The following DPYD variants were observed in gnomAD, a reference collection of about 807,000 sequenced individuals.
DPYD encodes the protein dihydropyrimidine dehydrogenase [NADP(+)].
In DPYD, 109 loss-of-function variants were observed where a neutral mutation model predicts 116.2. The ratio of observed to expected loss-of-function variants is 0.94; its 90% CI spans 0.80 to 1.10. The LOEUF is 1.10. Among genes scored for constraint, DPYD ranks in the 50% least tolerant of loss-of-function variants. The probability of loss-of-function intolerance (pLI) is 0.00; values close to 1 mark genes in which losing one functional copy is unlikely to be tolerated. For synonymous variants in DPYD, 440 were observed against 432.0 expected, an observed-to-expected ratio of 1.02 and a Z score of -0.23; for missense variants, 1,302 against 1,254.5, an observed-to-expected ratio of 1.04 and a Z score of -0.57.
At chr1:97,279,047 G>A (rs1194205307) in intron 18 of DPYD, among the ~76,000 whole-genome samples, 1 of 152,078 alleles carries the variant, frequency 6.6e-6, no homozygotes, top group Non-Finnish European at 1.5e-5. Context: ...TGACGGACAT[G>A]CAGATTTGTT....
intron 3 of DPYD, among the ~76,000 whole-genome samples, chr1:97,751,613 A>C (rs902239694): frequency 4.0e-5 from 6 of 150,476 alleles, no homozygotes; most frequent in Non-Finnish European, 4.4e-5. Flanking sequence ...AAAAACAACA[A>C]AAATGAAAGA....
chr1:97,463,315 C>A (rs1334287138), intron 13 of DPYD, among the ~76,000 whole-genome samples: 1 of 152,176 alleles, frequency 6.6e-6, no homozygotes, highest in Non-Finnish European at 1.5e-5. Flanking sequence ...AGTTTCCCTG[C>A]ACTCTCTCTT....
chr1:97,309,045 T>C (rs1667331099), intron 16 of DPYD, among the ~76,000 whole-genome samples: 1 of 151,882 alleles, frequency 6.6e-6, no homozygotes, highest in Non-Finnish European at 1.5e-5. Flanking sequence ...TTTCCTTATA[T>C]ATCCATCAAA....
intron 13 of DPYD, among the ~76,000 whole-genome samples, chr1:97,508,277 C>T (rs1481970589): frequency 6.6e-6 from 1 of 151,858 alleles, no homozygotes; most frequent in African/African-American, 2.4e-5. Context: ...GATCTGAGAA[C>T]TGATTAAGAA....
At chr1:97,224,453 C>T (rs1462030397) in intron 19 of DPYD, among the ~76,000 whole-genome samples, 1 of 151,930 alleles carries the variant, frequency 6.6e-6, no homozygotes, top group Non-Finnish European at 1.5e-5. Context: ...CAAATGATCA[C>T]TACAGTCAAG....
intron 8 of DPYD, among the ~76,000 whole-genome samples, chr1:97,605,613 G>A (rs746920990): frequency 6.6e-5 from 10 of 151,922 alleles, no homozygotes; most frequent in Non-Finnish European, 1.3e-4. Flanking sequence ...TCATAGCAGC[G>A]TGAGAACCAA....
At chr1:97,366,352 C>T (rs1226415583) in intron 16 of DPYD, among the ~76,000 whole-genome samples, 1 of 152,034 alleles carries the variant, frequency 6.6e-6, no homozygotes, top group African/African-American at 2.4e-5. Flanking sequence ...AATTATAATG[C>T]TATGAGGAAA....
intron 3 of DPYD, among the ~76,000 whole-genome samples, chr1:97,790,836 T>C (rs749994361): frequency 2.0e-5 from 3 of 152,214 alleles, no homozygotes; most frequent in Non-Finnish European, 2.9e-5. Flanking sequence ...TTAATCAAAT[T>C]TGTAAGCATG....
intron 18 of DPYD, among the ~76,000 whole-genome samples, chr1:97,264,082 A>T (rs1664059939): frequency 6.6e-6 from 1 of 151,162 alleles, no homozygotes; most frequent in South Asian, 2.1e-4. Flanking sequence ...GAAATGGAAG[A>T]GCCAGATCAT....
At chr1:97,843,158 C>A (rs1210501310) in intron 2 of DPYD, among the ~76,000 whole-genome samples, 8 of 152,114 alleles carry the variant, frequency 5.3e-5, no homozygotes, top group African/African-American at 1.9e-4. Context: ...TCTCAGAAAA[C>A]CTACTCAGGG....
At chr1:97,556,351 A>AT (rs536136736) in intron 11 of DPYD, among the ~76,000 whole-genome samples, 8 of 146,526 alleles carry the variant, frequency 5.5e-5, no homozygotes, top group Admixed American at 4.7e-4. Flanking sequence ...TTTTATTATG[A>AT]TTTTTTTCTT....
Position 97,234,185 on chromosome 1 carries a change from T to C in DPYD, c.2442+667A>G, listed in dbSNP as rs570959163. Reference sequence around the variant, plus strand: ...CAGACTACAAAACCTGAATGAGAAATTCTTATGCTAAAATGTGCTGACAGT... The same window carrying C: ...CAGACTACAAAACCTGAATGAGAAACTCTTATGCTAAAATGTGCTGACAGT... On this transcript the variant is annotated intron_variant, in intron 19 of 22. Transcript: ENST00000370192. Among the ~76,000 whole-genome samples the C allele has an allele frequency of 7.3e-4, 111 of 152,272 alleles. 2 individuals are homozygous for C. Among genetic ancestry groups the C allele is most frequent in the Admixed American group, 7.2e-3 (110 of 15,292 alleles).
At chr1:97,546,147 T>A (rs990808689) in intron 12 of DPYD, 50 of 1,419,072 alleles carry the variant, frequency 3.5e-5, no homozygotes, top group African/African-American at 5.6e-5. Context: ...GCAGTCCTTC[T>A]GTGCTGCAGA....
chr1:97,770,724 T>C (rs1666094004), intron 3 of DPYD, among the ~76,000 whole-genome samples: 1 of 152,144 alleles, frequency 6.6e-6, no homozygotes, highest in South Asian at 2.1e-4. Flanking sequence ...CTCTTGCAAA[T>C]AAAAAATTTC....
chr1:97,334,992 G>A (rs1669210963), intron 16 of DPYD, among the ~76,000 whole-genome samples: 2 of 152,104 alleles, frequency 1.3e-5, no homozygotes, highest in Non-Finnish European at 2.9e-5. Context: ...TGGGGCAGTG[G>A]GGAACAGACC....
At chr1:97,792,559 C>T (rs140916218) in intron 3 of DPYD, among the ~76,000 whole-genome samples, 3 of 152,090 alleles carry the variant, frequency 2.0e-5, no homozygotes, top group Admixed American at 1.3e-4. Context: ...CGCTACTGAG[C>T]TCTTTAGTCT....
At chr1:97,507,262 G>A (rs2101949183) in intron 13 of DPYD, among the ~76,000 whole-genome samples, 1 of 152,050 alleles carries the variant, frequency 6.6e-6, no homozygotes, top group Admixed American at 6.6e-5. Context: ...AGTCATCTCA[G>A]TTTTCAGCAT....
rs1165667490 is a variant in DPYD at position 97,573,826 on chromosome 1, G to C, written c.1273C>G (p.Gln425Glu). ...ETGKWNEDED[Q>E]MVHLKADVVI... ...ACATCGGCTTTCAGATGGACCATCTGATCTTCATCTTCATTCCATTTTCCA... is the reference window on the plus strand; with the variant it reads ...ACATCGGCTTTCAGATGGACCATCTCATCTTCATCTTCATTCCATTTTCCA... The change falls in exon 11 of 23, where the codon CAG becomes GAG. Residue 425 changes from glutamine (Q) to glutamate (E), a missense_variant. Transcript: ENST00000370192. 6.2e-6 allele frequency: 10 copies of C among 1,613,562 alleles called. No individual in the cohort carries two copies. The highest frequency in any genetic ancestry group is 7.6e-6 in the Non-Finnish European group (9 of 1,179,688).
chr1:97,348,951 A>C (rs905388409), intron 16 of DPYD, among the ~76,000 whole-genome samples: 3 of 152,214 alleles, frequency 2.0e-5, no homozygotes, highest in African/African-American at 7.2e-5. Flanking sequence ...GGAAAGACAC[A>C]GTGAGGAAAT....
Sources: allele counts gnomAD v4.1 joint callset (sites outside exome capture counted in the v4.1 genomes callset), GRCh38; gene constraint gnomAD v4.1.1; transcripts MANE v1.5; gene names NCBI Gene and HGNC (gene_info 2026-07-23, HGNC 2026-07-21).